ICA1L: variants seen among roughly 807,000 people sequenced by gnomAD.
ICA1L encodes the protein islet cell autoantigen 1-like protein.
A neutral mutation model predicts 61.3 loss-of-function variants in ICA1L; 50 were observed. That is an observed-to-expected ratio of 0.82 (90% CI 0.65 to 1.03). The LOEUF (loss-of-function observed/expected upper bound fraction) is 1.03, where lower values mean the gene tolerates loss of function less well. Ranked by LOEUF, ICA1L falls within the 50% of genes least tolerant of loss-of-function variation. The pLI is 0.00. For synonymous variants in ICA1L, 161 were observed against 191.3 expected (o/e 0.84, Z 1.31); for missense variants, 508 against 556.7 (o/e 0.91, Z 0.88).
At chr2:202,857,019 A>G (rs1027478761) in intron 1 of ICA1L, among the ~76,000 whole-genome samples, 6 of 152,240 alleles carry the variant, frequency 3.9e-5, no homozygotes, top group African/African-American at 1.4e-4. Flanking sequence ...AAGCTCATGG[A>G]TAGGAAGAAT....
chr2:202,871,119 G>A (rs1687696563), intron 1 of ICA1L: 1 of 152,250 alleles, frequency 6.6e-6, no homozygotes, highest in Non-Finnish European at 1.5e-5. Flanking sequence ...TTCTAAGGAA[G>A]ACATTCCCAT....
chr2:202,798,023 C>A (rs1307645465), intron 9 of ICA1L, among the ~76,000 whole-genome samples: 1 of 152,120 alleles, frequency 6.6e-6, no homozygotes, highest in East Asian at 1.9e-4. Context: ...TAAGTGAGAT[C>A]ATGTGGTATT....
At chr2:202,831,057 A>G (rs1465608879) in intron 1 of ICA1L, among the ~76,000 whole-genome samples, 1 of 152,244 alleles carries the variant, frequency 6.6e-6, no homozygotes, top group African/African-American at 2.4e-5. Flanking sequence ...AGCTATATTA[A>G]TATCAGACAA....
chr2:202,794,125 A>C (rs1692843339), intron 10 of ICA1L, among the ~76,000 whole-genome samples: 1 of 152,082 alleles, frequency 6.6e-6, no homozygotes, highest in South Asian at 2.1e-4. Context: ...TCATATTAAT[A>C]TATTTAAGAA....
intron 2 of ICA1L, among the ~76,000 whole-genome samples, chr2:202,826,960 T>C (rs186426182): frequency 2.0e-5 from 3 of 152,240 alleles, no homozygotes; most frequent in Admixed American, 1.3e-4. Context: ...CTAAAGAAGA[T>C]TGATAATAAA....
At chr2:202,779,834 G>C (rs985297199) in intron 12 of ICA1L, among the ~76,000 whole-genome samples, 186 bp from the exon 13 acceptor site, 5 of 142,944 alleles carry the variant, frequency 3.5e-5, no homozygotes, top group Admixed American at 7.1e-5. Context: ...GGTAGAGACT[G>C]GGGTTTCCCT....
At chr2:202,860,018 T>G (rs1694868248) in intron 1 of ICA1L, 1 of 152,082 alleles carries the variant, frequency 6.6e-6, no homozygotes, top group Non-Finnish European at 1.5e-5. Context: ...GTGCAGTGGC[T>G]TATGCCCAGT....
intron 3 of ICA1L, among the ~76,000 whole-genome samples, chr2:202,824,185 G>A (rs879597550): frequency 5.3e-5 from 8 of 152,036 alleles, no homozygotes; most frequent in South Asian, 2.1e-4. Context: ...GGTGGATCAC[G>A]AGGATAGGAG....
At chr2:202,835,917 T>C (rs1694136128) in intron 1 of ICA1L, among the ~76,000 whole-genome samples, 1 of 152,194 alleles carries the variant, frequency 6.6e-6, no homozygotes, top group Admixed American at 6.5e-5. Flanking sequence ...AATAGTTTTT[T>C]GGTGGAGTCT....
rs562230381 is a variant in ICA1L at position 202,777,044 on chromosome 2, C to CTTTTTTTTTTTTTTTTTTTT, written c.*2469_*2488dup. On this transcript the variant is annotated 3_prime_UTR_variant, in exon 13 of 13. Transcript: ENST00000358299. Reference sequence around the variant, plus strand: ...ACAAACTCTCAAGACATAAAGTTAGCTTTTTTTTTTTTTTTTTTTTTTTTT... The same window carrying CTTTTTTTTTTTTTTTTTTTT: ...ACAAACTCTCAAGACATAAAGTTAGCTTTTTTTTTTTTTTTTTTTTTTTTTTTTTTTTTTTTTTTTTTTTT... The CTTTTTTTTTTTTTTTTTTTT allele has an allele frequency of 5.8e-5, 4 of 68,578 alleles. No homozygotes were observed. The highest frequency in any genetic ancestry group is 2.6e-4 in the African/African-American group (4 of 15,256). The allele number at this position is 68,578 out of a possible 1,614,324, so 4.2% of individuals were successfully genotyped here. A position where few individuals can be genotyped will look rare whatever the true frequency, so the allele number is the denominator to read the frequency against.
intron 10 of ICA1L, among the ~76,000 whole-genome samples, chr2:202,792,836 G>A (rs1019941145): frequency 6.6e-6 from 1 of 151,976 alleles, no homozygotes; most frequent in East Asian, 1.9e-4. Flanking sequence ...ATAAACTACT[G>A]ATATATACAA....
chr2:202,853,526 A>T (rs1694689079), intron 1 of ICA1L, among the ~76,000 whole-genome samples: 1 of 152,170 alleles, frequency 6.6e-6, no homozygotes, highest in Non-Finnish European at 1.5e-5. Flanking sequence ...ATTAAACTAA[A>T]GGGCTTCTGC....
At position 202,779,355 on chromosome 2, in the gene ICA1L, T is replaced by G; in HGVS notation, c.*178A>C. 1 of 445,182 alleles carries G rather than the reference T, an allele frequency of 2.2e-6. No homozygotes were observed. Among genetic ancestry groups the G allele is most frequent in the East Asian group, 3.3e-5 (1 of 29,966 alleles). 27.6% of individuals were successfully genotyped at this position (445,182 alleles called of 1,614,324 possible). A position where few individuals can be genotyped will look rare whatever the true frequency, so the allele number is the denominator to read the frequency against. On this transcript the variant is annotated 3_prime_UTR_variant, in exon 13 of 13. Coordinates refer to ENST00000358299, the MANE Select transcript of ICA1L (RefSeq NM_001288622.3). ...TACCAACAGCTGCAAATCCAAGATA[T>G]GAAAGATGTGTACTTATTCAAATGT...
chr2:202,828,707 A>T, intron 2 of ICA1L, 141 bp downstream of exon 2: 2 of 722,220 alleles, frequency 2.8e-6, no homozygotes, highest in Non-Finnish European at 4.5e-6. Flanking sequence ...GCTCTGATTG[A>T]CAGATGGATA....
intron 5 of ICA1L, among the ~76,000 whole-genome samples, chr2:202,819,014 C>T (rs1173982763): frequency 6.6e-6 from 1 of 152,208 alleles, no homozygotes; most frequent in Non-Finnish European, 1.5e-5. Flanking sequence ...GGATGGAATA[C>T]GAGGTAGTTG....
At position 202,790,734 on chromosome 2, in the gene ICA1L, G is replaced by C. The variant is rs1692721394; in HGVS notation, c.986-1647C>G. 2.0e-5 allele frequency among the ~76,000 whole-genome samples: 3 copies of C among 152,118 alleles called. 1 individual carries two copies. In the East Asian group the frequency reaches 5.8e-4, roughly 29 times the overall value. ...AGTGTGCTAAGAATATAGGGCCCCTGATCACTTGACCCTGCTAGTAAAGTG... is the reference window on the plus strand; with the variant it reads ...AGTGTGCTAAGAATATAGGGCCCCTCATCACTTGACCCTGCTAGTAAAGTG... On this transcript the variant is annotated intron_variant, in intron 10 of 12. Transcript: ENST00000358299.
intron 5 of ICA1L, among the ~76,000 whole-genome samples, chr2:202,817,937 T>C (rs1427637379): frequency 6.6e-6 from 1 of 152,230 alleles, no homozygotes; most frequent in Non-Finnish European, 1.5e-5. Flanking sequence ...TTCTGAATCA[T>C]GCAGATATTT....
intron 1 of ICA1L, among the ~76,000 whole-genome samples, chr2:202,846,256 CT>C (rs145953471): frequency 9.5e-5 from 14 of 147,928 alleles, no homozygotes; most frequent in Non-Finnish European, 9.0e-5. Context: ...TTCTTTCTTT[CT>C]TTTTTTTTTA....
At chr2:202,790,664 C>T (rs1477236171) in intron 10 of ICA1L, among the ~76,000 whole-genome samples, 1 of 152,174 alleles carries the variant, frequency 6.6e-6, no homozygotes, top group East Asian at 1.9e-4. Context: ...AGGCTCCCAT[C>T]TCCTCCCCAG....
Sources: allele counts gnomAD v4.1 joint callset (sites outside exome capture counted in the v4.1 genomes callset), GRCh38; gene constraint gnomAD v4.1.1; transcripts MANE v1.5; gene names NCBI Gene and HGNC (gene_info 2026-07-23, HGNC 2026-07-21).